DLGAP4: variants seen among roughly 807,000 people sequenced by gnomAD.
The protein encoded by DLGAP4 is disks large-associated protein 4.
A neutral mutation model predicts 86.9 loss-of-function variants in DLGAP4; 18 were observed. The ratio of observed to expected loss-of-function variants is 0.21; its 90% CI spans 0.14 to 0.31. The LOEUF (loss-of-function observed/expected upper bound fraction) is 0.31. Among genes scored for constraint, DLGAP4 ranks in the 10% least tolerant of loss-of-function variants. The pLI is 1.00. For synonymous variants in DLGAP4, 548 were observed against 574.3 expected (o/e 0.95, Z 0.65); for missense variants, 1,085 against 1,362.6 (o/e 0.80, Z 3.21).
chr20:36,522,637 G>C (rs1384717364), intron 10 of DLGAP4, among the ~76,000 whole-genome samples: 1 of 152,154 alleles, frequency 6.6e-6, no homozygotes, highest in Non-Finnish European at 1.5e-5. Flanking sequence ...TCCTATCTCA[G>C]CCTCCCAAAT....
At chr20:36,416,249 C>G (rs1156488397) in intron 2 of DLGAP4, among the ~76,000 whole-genome samples, 1 of 152,128 alleles carries the variant, frequency 6.6e-6, no homozygotes, top group Non-Finnish European at 1.5e-5. Context: ...AGCCTCCCAA[C>G]TAGCTGGGAT....
intron 7 of DLGAP4, among the ~76,000 whole-genome samples, chr20:36,466,289 A>T (rs779385522): frequency 6.6e-6 from 1 of 152,100 alleles, no homozygotes; most frequent in Non-Finnish European, 1.5e-5. Flanking sequence ...TTTCCTCCCT[A>T]TCAGATTGGG....
intron 6 of DLGAP4, among the ~76,000 whole-genome samples, chr20:36,444,417 G>T (rs1254363523): frequency 1.3e-5 from 2 of 152,006 alleles, no homozygotes; most frequent in African/African-American, 4.8e-5. Context: ...CCGAGTAGCT[G>T]GGACTACAGG....
At chr20:36,464,375 C>CA (rs2034243497) in intron 7 of DLGAP4, among the ~76,000 whole-genome samples, 1 of 152,134 alleles carries the variant, frequency 6.6e-6, no homozygotes, top group Admixed American at 6.5e-5. Context: ...GCTTGGGCAA[C>CA]AAGACAAAAC....
intron 2 of DLGAP4, among the ~76,000 whole-genome samples, chr20:36,394,411 CA>C (rs201000846): frequency 0.019 from 2,945 of 152,262 alleles, 35 homozygotes; most frequent in Non-Finnish European, 0.029. Context: ...AGGGAGTACC[CA>C]GGAGCCCTGG....
At chr20:36,357,136 C>A (rs1470445883) in intron 1 of DLGAP4, among the ~76,000 whole-genome samples, 1 of 152,166 alleles carries the variant, frequency 6.6e-6, no homozygotes, top group East Asian at 1.9e-4. Flanking sequence ...CACTGCAGGA[C>A]CCTCGTGAGC....
At position 36,350,199 on chromosome 20, in the gene DLGAP4, G is replaced by A. The variant is rs1177615214; in HGVS notation, c.-303-16846G>A. Among the ~76,000 whole-genome samples, 1 of 152,228 alleles carries A rather than the reference G, an allele frequency of 6.6e-6. No individual in the cohort carries two copies. The highest frequency in any genetic ancestry group is 1.5e-5 in the Non-Finnish European group (1 of 68,042). On this transcript the variant is annotated intron_variant, in intron 1 of 12. Coordinates refer to ENST00000339266, the MANE Select transcript of DLGAP4 (RefSeq NM_001365621.2). This position sits in a 1 kb window ranked among gnomAD's most constrained non-coding sequence, Gnocchi z 4.4. ...GGGTGCCAAGCCTGGATCGTCCCCC[G>A]AGCTCAGCTTGCCCTTAGGCCCCCC...
rs541256072 is a variant in DLGAP4, at chr20:36,458,970, C to T, written c.1648+12033C>T. Among the ~76,000 whole-genome samples, 6 of 152,294 alleles carry T rather than the reference C, an allele frequency of 3.9e-5. No individual in the cohort carries two copies. The East Asian group carries it at 9.7e-4, about 25-fold the overall frequency. On this transcript the variant is annotated intron_variant, in intron 7 of 12. Transcript: ENST00000339266. ...AAGGAATGGTTACACAGCCAGGTCG[C>T]GTGGGGACAGCCCTCACTCCTCTAA... is the stretch of plus-strand genomic sequence containing the variant.
chr20:36,307,096 G>T (rs2065010224), intron 1 of DLGAP4, among the ~76,000 whole-genome samples: 1 of 152,098 alleles, frequency 6.6e-6, no homozygotes, highest in African/African-American at 2.4e-5. Context: ...GGCATCTGGG[G>T]AGGGGGCGGG....
At chr20:36,497,208 A>AAACCG (rs1440499082) in intron 8 of DLGAP4, 142 bp downstream of exon 8, 1 of 1,451,964 alleles carries the variant, frequency 6.9e-7, no homozygotes, top group Non-Finnish European at 9.0e-7. Context: ...CCAAGTGGCC[A>AAACCG]AACCGAATTC....
At chr20:36,416,874 T>C (rs570029480) in intron 2 of DLGAP4, among the ~76,000 whole-genome samples, 7 of 152,280 alleles carry the variant, frequency 4.6e-5, no homozygotes, top group African/African-American at 1.4e-4. Flanking sequence ...ATCGGGCAGC[T>C]GCAGCTCTCC....
chr20:36,494,984 G>GGT (rs2035821067), intron 7 of DLGAP4, among the ~76,000 whole-genome samples: 8 of 75,382 alleles, frequency 1.1e-4, no homozygotes, highest in Non-Finnish European at 1.6e-4. Context: ...TTTTTGTTCG[G>GGT]TTTTTTTTTT....
intron 7 of DLGAP4, among the ~76,000 whole-genome samples, chr20:36,476,882 T>C (rs1465475918): frequency 2.0e-5 from 3 of 150,348 alleles, no homozygotes; most frequent in African/African-American, 7.3e-5. Flanking sequence ...TAATAGAGAC[T>C]GGGTTTCTCC....
chr20:36,441,131 C>G (rs2033435809), intron 5 of DLGAP4, among the ~76,000 whole-genome samples: 1 of 152,116 alleles, frequency 6.6e-6, no homozygotes, highest in Admixed American at 6.5e-5. Flanking sequence ...TGCTCCAGAC[C>G]CTCCCTTGGC....
intron 10 of DLGAP4, among the ~76,000 whole-genome samples, chr20:36,504,436 T>C (rs1371297211): frequency 6.6e-6 from 1 of 152,230 alleles, no homozygotes; most frequent in South Asian, 2.1e-4. Context: ...ACTTGGGTTG[T>C]TTCCACCTTT....
intron 2 of DLGAP4, among the ~76,000 whole-genome samples, chr20:36,425,180 C>T (rs1156576923): frequency 6.6e-6 from 1 of 152,138 alleles, no homozygotes; most frequent in Non-Finnish European, 1.5e-5. Flanking sequence ...CATATATCTG[C>T]TAAGGGTTCA....
At chr20:36,433,746 G>A (rs963449845) in intron 3 of DLGAP4, among the ~76,000 whole-genome samples, 2 of 152,038 alleles carry the variant, frequency 1.3e-5, no homozygotes, top group East Asian at 3.9e-4. Context: ...CCGCCCCCCG[G>A]GTTCAAGCAA....
chr20:36,325,056 A>G (rs1407524303), intron 1 of DLGAP4, among the ~76,000 whole-genome samples: 1 of 151,836 alleles, frequency 6.6e-6, no homozygotes, highest in African/African-American at 2.4e-5. Context: ...GAGGTCATTA[A>G]TCTTAAAGCT....
intron 2 of DLGAP4, among the ~76,000 whole-genome samples, chr20:36,368,179 C>T (rs540936982): frequency 3.3e-5 from 5 of 152,230 alleles, no homozygotes; most frequent in Admixed American, 6.5e-5. Context: ...CCTCTCTTAC[C>T]TCCCTCCACC....
Sources: allele counts gnomAD v4.1 joint callset (sites outside exome capture counted in the v4.1 genomes callset), GRCh38; gene constraint gnomAD v4.1.1; non-coding constraint Gnocchi (gnomAD v3.1); transcripts MANE v1.5; gene names NCBI Gene and HGNC (gene_info 2026-07-23, HGNC 2026-07-21).